Variants in NCK1 observed in about 807,000 individuals in gnomAD.
NCK1 encodes the protein SH2/SH3 adapter protein NCK1.
NCK1 carries 19 observed loss-of-function variants against 36.6 expected under a neutral mutation model. The ratio of observed to expected loss-of-function variants is 0.52; its 90% CI spans 0.36 to 0.76. The LOEUF (loss-of-function observed/expected upper bound fraction) is 0.76, where lower values mean the gene tolerates loss of function less well. Among genes scored for constraint, NCK1 ranks in the 30% least tolerant of loss-of-function variants. The pLI is 0.00. For synonymous variants in NCK1, 165 were observed against 156.0 expected, an observed-to-expected ratio of 1.06 and a Z score of -0.43; for missense variants, 358 against 445.6, an observed-to-expected ratio of 0.80 and a Z score of 1.77.
At chr3:136,889,327 C>T (rs530155721) in intron 1 of NCK1, 4 of 160,964 alleles carry the variant, frequency 2.5e-5, no homozygotes, top group East Asian at 1.8e-4. Flanking sequence ...GTTAAGGTGG[C>T]GCGTCTGGAG....
At chr3:136,874,447 T>A (rs1938710167) in intron 1 of NCK1, among the ~76,000 whole-genome samples, 1 of 152,240 alleles carries the variant, frequency 6.6e-6, no homozygotes, top group Non-Finnish European at 1.5e-5. Context: ...CCCAAAGTGC[T>A]GGGATTACAG....
rs1576951617 is a variant in NCK1 at position 136,885,460 on chromosome 3, A to G, written c.-19+23107A>G. 5.3e-5 allele frequency among the ~76,000 whole-genome samples: 8 copies of G among 152,228 alleles called. No homozygotes were observed. In the South Asian group the frequency reaches 1.4e-3, roughly 28 times the overall value. On this transcript the variant is annotated intron_variant, in intron 1 of 3. Transcript: ENST00000481752. ...GCTGGAACTATAGGTGCATGCCACCATGGCTGGTTAATTTTTGAATTTTTT... is the reference window on the plus strand; with the variant it reads ...GCTGGAACTATAGGTGCATGCCACCGTGGCTGGTTAATTTTTGAATTTTTT...
Position 136,928,024 on chromosome 3 carries a change from T to G in NCK1, c.23T>G (p.Val8Gly). 1 of 1,614,044 alleles carries G rather than the reference T, an allele frequency of 6.2e-7. No individual in the cohort carries two copies. The highest frequency in any genetic ancestry group is 8.5e-7 in the Non-Finnish European group (1 of 1,179,908). MAEEVVV[V>G]AKFDYVAQQE... ...AAGATGGCAGAAGAAGTGGTGGTAG[T>G]AGCCAAATTTGATTATGTGGCCCAA... The change falls in exon 2 of 4, where the codon GTA becomes GGA. Residue 8 changes from valine (V) to glycine (G), a missense_variant. By Grantham distance (109) the Val-to-Gly change is moderately radical. This residue lies in a region of NCK1 where 143 missense variants were observed against 162.4 expected (regional missense o/e 0.88). Transcript: ENST00000481752.
chr3:136,929,975 G>A lies in NCK1; in HGVS notation c.226+1748G>A, dbSNP rs28603173. 4.6e-5 allele frequency among the ~76,000 whole-genome samples: 7 copies of A among 152,186 alleles called. 1 individual carries two copies. The South Asian group carries it at 8.3e-4, about 18-fold the overall frequency. On this transcript the variant is annotated intron_variant, in intron 2 of 3. Coordinates refer to ENST00000481752, the MANE Select transcript of NCK1 (RefSeq NM_001291999.2). ...AGATTTTATCTCTATTTAAGTCTTAGGAAATCTCTGTTAACTTTATTACTG... is the reference window on the plus strand; with the variant it reads ...AGATTTTATCTCTATTTAAGTCTTAAGAAATCTCTGTTAACTTTATTACTG...
intron 2 of NCK1, among the ~76,000 whole-genome samples, chr3:136,943,115 C>T (rs971822730): frequency 1.1e-4 from 17 of 152,124 alleles, no homozygotes; most frequent in Admixed American, 3.9e-4. Context: ...TCTTTCTTTA[C>T]CAAGCCTTGC....
chr3:136,934,786 CT>C (rs1363203703), intron 2 of NCK1, among the ~76,000 whole-genome samples: 1 of 152,138 alleles, frequency 6.6e-6, no homozygotes, highest in Non-Finnish European at 1.5e-5. Flanking sequence ...CTTGTATCTC[CT>C]ATTAAAGTTC....
At chr3:136,946,605 C>T in intron 3 of NCK1, among the ~76,000 whole-genome samples, 1 of 152,106 alleles carries the variant, frequency 6.6e-6, no homozygotes, top group East Asian at 1.9e-4. Context: ...GAACACTGGC[C>T]TCTTCATTGA....
intron 1 of NCK1, among the ~76,000 whole-genome samples, chr3:136,866,650 G>A (rs1455437061): frequency 6.7e-6 from 1 of 149,286 alleles, no homozygotes; most frequent in African/African-American, 2.5e-5. Flanking sequence ...GTCTCACTCT[G>A]TCACCCAGGC....
rs549487593 is a variant in NCK1, at chr3:136,873,701, A to G, written c.-19+11348A>G. ...TGGTGGGAGGAACCTGGTGGGAGGTAATTGAATCGTGGGAGTGGGCCTTTC... is the reference window on the plus strand; with the variant it reads ...TGGTGGGAGGAACCTGGTGGGAGGTGATTGAATCGTGGGAGTGGGCCTTTC... On this transcript the variant is annotated intron_variant, in intron 1 of 3. Coordinates refer to ENST00000481752, the MANE Select transcript of NCK1 (RefSeq NM_001291999.2). Among the ~76,000 whole-genome samples the G allele has an allele frequency of 2.6e-5, 4 of 152,196 alleles. No individual in the cohort carries two copies. The South Asian group carries it at 8.3e-4, about 32-fold the overall frequency.
chr3:136,903,351 TGAG>T (rs1404749518), intron 1 of NCK1, among the ~76,000 whole-genome samples: 3 of 152,206 alleles, frequency 2.0e-5, no homozygotes, highest in Non-Finnish European at 4.4e-5. Context: ...ACAGGTGAGA[TGAG>T]TTTATTGTAG....
chr3:136,941,555 A>G (rs187794038), intron 2 of NCK1, among the ~76,000 whole-genome samples: 1 of 152,126 alleles, frequency 6.6e-6, no homozygotes, highest in Non-Finnish European at 1.5e-5. Context: ...ATTAATACCA[A>G]CTTAGTTTCA....
At chr3:136,905,720 G>A (rs1939666377) in intron 1 of NCK1, among the ~76,000 whole-genome samples, 1 of 151,932 alleles carries the variant, frequency 6.6e-6, no homozygotes, top group Non-Finnish European at 1.5e-5. Context: ...GACCTCCCTG[G>A]GCTCAGGTAA....
intron 1 of NCK1, among the ~76,000 whole-genome samples, chr3:136,891,534 T>G (rs952620337): frequency 1.3e-5 from 2 of 152,246 alleles, no homozygotes; most frequent in Non-Finnish European, 2.9e-5. Flanking sequence ...TCACTTTTAC[T>G]TCTTTTGGGT....
intron 1 of NCK1, among the ~76,000 whole-genome samples, chr3:136,867,223 C>G (rs1337309451): frequency 7.5e-6 from 1 of 133,938 alleles, no homozygotes; most frequent in Non-Finnish European, 1.6e-5. Context: ...TTCCTTCCTT[C>G]CGTCCATCCA....
intron 1 of NCK1, among the ~76,000 whole-genome samples, chr3:136,925,045 A>G (rs1447186894): frequency 5.9e-5 from 9 of 152,214 alleles, no homozygotes; most frequent in Non-Finnish European, 1.3e-4. Context: ...AAATTGGGTG[A>G]TAGGTATAGG....
intron 1 of NCK1, among the ~76,000 whole-genome samples, chr3:136,872,569 TGAG>T (rs1344391976): frequency 4.6e-5 from 7 of 152,208 alleles, no homozygotes; most frequent in Non-Finnish European, 1.0e-4. Context: ...GCATAGGTAA[TGAG>T]GAGCTGAATA....
intron 1 of NCK1, among the ~76,000 whole-genome samples, chr3:136,866,175 ATTTC>A (rs1002919848): frequency 2.0e-5 from 3 of 151,878 alleles, no homozygotes; most frequent in East Asian, 1.9e-4. Flanking sequence ...GGCCAGCACT[ATTTC>A]TTTCTTTTTT....
At position 136,945,634 on chromosome 3, in the gene NCK1, CTGA is replaced by C. The variant is rs766700438; in HGVS notation, c.283_285del (p.Asp95del). ...AGTGTGCCAGATTCTGCATCTCCTG[CTGA>C]TGATAGTTTTGTTGACCCAGGGGAA... On this transcript the variant is annotated inframe_deletion, in exon 3 of 4. Transcript: ENST00000481752. The C allele has an allele frequency of 1.1e-5, 18 of 1,613,896 alleles. No individual in the cohort carries two copies. Among genetic ancestry groups the C allele is most frequent in the South Asian group, 8.8e-5 (8 of 91,028 alleles).
At position 136,888,831 on chromosome 3, in the gene NCK1, C is replaced by T. The variant is rs148985266; in HGVS notation, c.-19+26478C>T. 2.3e-4 allele frequency among the ~76,000 whole-genome samples: 35 copies of T among 151,952 alleles called. 1 individual carries two copies. The East Asian group carries it at 3.7e-3, about 16-fold the overall frequency. On this transcript the variant is annotated intron_variant, in intron 1 of 3. Transcript: ENST00000481752. The stretch of plus-strand genomic sequence containing the variant: ...CATATAGTATGTGGTCCTTTGTAAC[C>T]GCTTTCTTTCACTTAGTTCAATGTT...
Sources: allele counts gnomAD v4.1 joint callset (sites outside exome capture counted in the v4.1 genomes callset), GRCh38; gene constraint gnomAD v4.1.1; regional missense constraint gnomAD v4.1.1; transcripts MANE v1.5; gene names NCBI Gene and HGNC (gene_info 2026-07-23, HGNC 2026-07-21).